The following RABGGTB variants were observed in gnomAD, a reference collection of about 807,000 sequenced individuals.
RABGGTB encodes the protein geranylgeranyl transferase type-2 subunit beta.
In RABGGTB, 20 loss-of-function variants were observed where a neutral mutation model predicts 44.5. The observed-to-expected ratio is 0.45, with a 90% CI of 0.32 to 0.65. The LOEUF is 0.65. Among genes scored for constraint, RABGGTB ranks in the 30% least tolerant of loss-of-function variants. The pLI is 0.05. For synonymous variants in RABGGTB, 128 were observed against 136.7 expected, an observed-to-expected ratio of 0.94 and a Z score of 0.44; for missense variants, 302 against 398.7, an observed-to-expected ratio of 0.76 and a Z score of 2.06.
At chr1:75,793,137 A>G (rs1187824206) in intron 7 of RABGGTB, among the ~76,000 whole-genome samples, 1 of 151,690 alleles carries the variant, frequency 6.6e-6, no homozygotes, top group Non-Finnish European at 1.5e-5. Context: ...ATGATTTATA[A>G]ATGTAAAAAC....
intron 2 of RABGGTB, 109 bp downstream of exon 2, chr1:75,787,713 A>G (rs1649534296): frequency 2.3e-6 from 2 of 858,072 alleles, no homozygotes; most frequent in African/African-American, 3.4e-5. Flanking sequence ...CATGCAGAGA[A>G]CTGAGGATGT....
chr1:75,787,652 A>G (rs1649532497), intron 2 of RABGGTB, 48 bp downstream of exon 2: 3 of 1,440,796 alleles, frequency 2.1e-6, no homozygotes, highest in Non-Finnish European at 2.0e-6. Context: ...AAGAAGTGTG[A>G]CAGTCATAAG....
chr1:75,789,329 T>G lies in RABGGTB; in HGVS notation c.282T>G (p.His94Gln). 1 of 1,614,130 alleles carries G rather than the reference T, an allele frequency of 6.2e-7. No individual in the cohort carries two copies. The highest frequency in any genetic ancestry group is 8.5e-7 in the Non-Finnish European group (1 of 1,179,996). ...GISASIGHDP[H>Q]LLYTLSAVQI... ...GTGCTAGTATCGGACATGATCCTCA[T>G]CTTTTATACACTCTTAGTGCTGTCC... Residue 94 changes from histidine (H) to glutamine (Q), a missense_variant, in exon 3 of 9, where the codon CAT becomes CAG. By Grantham distance (24) the His-to-Gln change is conservative. Transcript: ENST00000319942.
intron 2 of RABGGTB, chr1:75,788,129 T>A (rs1349040282): frequency 6.5e-6 from 2 of 309,936 alleles, no homozygotes; most frequent in Non-Finnish European, 1.3e-5. Flanking sequence ...ATGGTATGTA[T>A]TAATTTTTTA....
rs777781564 is a variant in RABGGTB at position 75,791,586 on chromosome 1, C to G, written c.579+15C>G. ...ATGCTGGGCAGGTAATTTATGAATACAGATGAAAATGTATTGTCATTTTGG... is the reference window on the plus strand; with the variant it reads ...ATGCTGGGCAGGTAATTTATGAATAGAGATGAAAATGTATTGTCATTTTGG... On this transcript the variant is annotated intron_variant, in intron 6 of 8. Transcript: ENST00000319942. 12 of 1,573,148 alleles carry G rather than the reference C, an allele frequency of 7.6e-6. No individual in the cohort carries two copies. In the Middle Eastern group the frequency reaches 9.0e-4, roughly 119 times the overall value.
At chr1:75,787,220 T>G in intron 1 of RABGGTB, 1 of 620,798 alleles carries the variant, frequency 1.6e-6, no homozygotes, top group Non-Finnish European at 3.0e-6. Flanking sequence ...ATACAATTTG[T>G]TGTTGTTGTT....
intron 7 of RABGGTB, among the ~76,000 whole-genome samples, chr1:75,792,882 G>A (rs1649680760): frequency 1.3e-5 from 2 of 152,166 alleles, no homozygotes; most frequent in South Asian, 2.1e-4. Context: ...AGGCTGGAGT[G>A]CAGTGACGCC....
At position 75,789,168 on chromosome 1, in the gene RABGGTB, ATGTC is replaced by A. The variant is rs1342574593; in HGVS notation, c.124_127del (p.Glu43IlefsTer2). ...TTGTGTATTATTTTAGGAATACTGTATGTCTGAGTATTTGAGAATGAGTGGCATC... is the reference window on the plus strand; with the variant it reads ...TTGTGTATTATTTTAGGAATACTGTATGAGTATTTGAGAATGAGTGGCATC... On this transcript the variant is annotated frameshift_variant, in exon 3 of 9. Coordinates refer to ENST00000319942, the MANE Select transcript of RABGGTB (RefSeq NM_004582.4). LOFTEE classifies it high-confidence loss of function. The A allele has an allele frequency of 1.1e-5, 17 of 1,612,930 alleles. No homozygotes were observed. Among genetic ancestry groups the A allele is most frequent in the Non-Finnish European group, 1.2e-5 (14 of 1,179,044 alleles).
intron 4 of RABGGTB, 78 bp downstream of exon 4, chr1:75,790,135 G>C (rs1261695590): frequency 6.3e-7 from 1 of 1,582,942 alleles, no homozygotes; most frequent in Non-Finnish European, 8.5e-7. Context: ...CAGTTTATAA[G>C]TTTTTCATCT....
At chr1:75,789,621 A>G (rs998727013) in intron 3 of RABGGTB, 2 of 656,360 alleles carry the variant, frequency 3.0e-6, no homozygotes, top group East Asian at 2.8e-5. Flanking sequence ...TGATTTTGAT[A>G]TTAGTGAACA....
chr1:75,792,088 T>G, intron 6 of RABGGTB, 93 bp from the exon 7 acceptor site: 1 of 1,126,148 alleles, frequency 8.9e-7, no homozygotes, highest in East Asian at 2.6e-5. Flanking sequence ...AAGAAAAACT[T>G]AAGATATAAA....
At chr1:75,792,834 G>A (rs900316140) in intron 7 of RABGGTB, among the ~76,000 whole-genome samples, 13 of 152,086 alleles carry the variant, frequency 8.5e-5, no homozygotes, top group African/African-American at 2.4e-4. Context: ...GGATATACTT[G>A]TATTTCCTAT....
chr1:75,794,395 A>G, intron 8 of RABGGTB, 115 bp from the exon 9 acceptor site: 1 of 1,325,696 alleles, frequency 7.5e-7, no homozygotes, highest in Non-Finnish European at 1.0e-6. Context: ...TCTTACAGAA[A>G]TTTCTTGTCG....
rs559318372 is a variant in RABGGTB, at chr1:75,786,256, C to T, written c.-16C>T. 54 of 1,614,198 alleles carry T rather than the reference C, an allele frequency of 3.3e-5. No individual in the cohort carries two copies. The highest frequency in any genetic ancestry group is 2.0e-4 in the Admixed American group (12 of 60,024). On this transcript the variant is annotated 5_prime_UTR_variant, in exon 1 of 9. Transcript: ENST00000319942. ...TACCCAGGAACTGACCCTGCTCTCT[C>T]CTTTCCCTGTTAGACATGGTAAGTG...
At chr1:75,787,254 T>TCGGTC in intron 1 of RABGGTB, 1 of 636,244 alleles carries the variant, frequency 1.6e-6, no homozygotes, top group Non-Finnish European at 2.9e-6. Flanking sequence ...TGTTTTTGAG[T>TCGGTC]CGGTCTCCGG....
At position 75,787,615 on chromosome 1, in the gene RABGGTB, T is replaced by C; in HGVS notation, c.111+11T>C. 2 of 1,583,786 alleles carry C rather than the reference T, an allele frequency of 1.3e-6. No individual in the cohort carries two copies. Among genetic ancestry groups the C allele is most frequent in the South Asian group, 2.2e-5 (2 of 90,394 alleles). ...AAGAAAGATGATTATGTATGTATAA[T>C]TTTTTTATGTTGGAAAGTTTATTTT... On this transcript the variant is annotated intron_variant, in intron 2 of 8. Coordinates refer to ENST00000319942, the MANE Select transcript of RABGGTB (RefSeq NM_004582.4).
intron 8 of RABGGTB, 81 bp downstream of exon 8, chr1:75,794,314 C>A: frequency 6.8e-7 from 1 of 1,473,360 alleles, no homozygotes; most frequent in Non-Finnish European, 9.1e-7. Context: ...TCCAGGGTGG[C>A]ATTCCGAGTG....
intron 1 of RABGGTB, 30 bp downstream of exon 1, chr1:75,786,304 A>G (rs1174208116): frequency 1.2e-6 from 2 of 1,613,826 alleles, no homozygotes; most frequent in Non-Finnish European, 1.7e-6. Context: ...TGCTGTCCGG[A>G]TGGGTTGGTA....
At chr1:75,787,899 G>C (rs141027984) in intron 2 of RABGGTB, 1 of 613,358 alleles carries the variant, frequency 1.6e-6, no homozygotes, top group East Asian at 3.8e-5. Context: ...GGTCAATGAT[G>C]TGTTGGCATG....
Sources: gnomAD v4.1 joint callset for allele counts (sites outside exome capture counted in the v4.1 genomes callset) on GRCh38, gnomAD v4.1.1 for gene constraint, MANE v1.5 for transcripts, NCBI Gene and HGNC (gene_info 2026-07-23, HGNC 2026-07-21) for gene names.